The following FBXO40 variants were observed in gnomAD, a reference collection of about 807,000 sequenced individuals.
The protein encoded by FBXO40 is F-box protein 40.
In FBXO40, 50 loss-of-function variants were observed where a neutral mutation model predicts 49.9. That is an observed-to-expected ratio of 1.00 (90% CI 0.80 to 1.27). FBXO40 has a LOEUF of 1.27. Among genes scored for constraint, FBXO40 ranks in the 50% most tolerant of loss-of-function variants. FBXO40 has a pLI of 0.00. For synonymous variants in FBXO40, 340 were observed against 320.2 expected (o/e 1.06, Z -0.66); for missense variants, 895 against 870.1 (o/e 1.03, Z -0.36).
At chr3:121,612,667 C>T (rs1436857611) in intron 1 of FBXO40, among the ~76,000 whole-genome samples, 1 of 152,030 alleles carries the variant, frequency 6.6e-6, no homozygotes, top group African/African-American at 2.4e-5. Flanking sequence ...ACTTAGTTTC[C>T]CTTCTACAAA....
At chr3:121,604,492 C>T in intron 1 of FBXO40, among the ~76,000 whole-genome samples, 1 of 152,056 alleles carries the variant, frequency 6.6e-6, no homozygotes, top group Admixed American at 6.5e-5. Context: ...GCTGGGGTGA[C>T]AAAAGGAACT....
At chr3:121,619,247 A>T (rs2049016432) in intron 1 of FBXO40, among the ~76,000 whole-genome samples, 1 of 151,942 alleles carries the variant, frequency 6.6e-6, no homozygotes, top group African/African-American at 2.4e-5. Context: ...GGGCTCAAGC[A>T]ATCAACCTAC....
intron 3 of FBXO40, among the ~76,000 whole-genome samples, chr3:121,625,979 A>T (rs550860454): frequency 1.3e-5 from 2 of 152,364 alleles, no homozygotes; most frequent in South Asian, 4.1e-4. Context: ...GATATTTCAG[A>T]ACTCATAGAA....
In FBXO40 at chr3:121,620,597, T is replaced by G; in HGVS notation, c.3+19T>G. ...CGCCATGGTAAGCACCAGGAGCTTA[T>G]TGAAGCTTCACCATTGAGAGGTCCA... On this transcript the variant is annotated intron_variant, in intron 2 of 3. Transcript: ENST00000338040. 6.2e-7 allele frequency: 1 copy of G among 1,614,190 alleles called. No individual in the cohort carries two copies. Among genetic ancestry groups the G allele is most frequent in the Non-Finnish European group, 8.5e-7 (1 of 1,180,014 alleles).
intron 1 of FBXO40, among the ~76,000 whole-genome samples, chr3:121,619,731 A>G (rs902812990): frequency 6.6e-6 from 1 of 152,224 alleles, no homozygotes; most frequent in African/African-American, 2.4e-5. Context: ...GGGGAAACTG[A>G]TGAGCGAAGA....
At chr3:121,611,471 G>A (rs1053019021) in intron 1 of FBXO40, among the ~76,000 whole-genome samples, 4 of 152,126 alleles carry the variant, frequency 2.6e-5, no homozygotes, top group East Asian at 1.9e-4. Context: ...ACATCTCAGC[G>A]GAGTAAAGAA....
At chr3:121,604,590 A>G (rs9843772) in intron 1 of FBXO40, among the ~76,000 whole-genome samples, 33,239 of 152,092 alleles carry the variant, frequency 0.22, 3,928 homozygotes, top group South Asian at 0.33. Context: ...TAATTTGTTG[A>G]TGCATATCTG....
At position 121,604,413 on chromosome 3, in the gene FBXO40, C is replaced by T. The variant is rs375085075; in HGVS notation, c.-31+10911C>T. The stretch of plus-strand genomic sequence containing the variant: ...TAAGAATAGGGCCCAGTAAACCCTA[C>T]ATTCCATGCAAAACATGCAGCAACA... On this transcript the variant is annotated intron_variant, in intron 1 of 3. Transcript: ENST00000338040. Among the ~76,000 whole-genome samples, 350 of 152,326 alleles carry T rather than the reference C, an allele frequency of 2.3e-3. 1 individual carries two copies. Among genetic ancestry groups the T allele is most frequent in the South Asian group, 7.5e-3 (36 of 4,828 alleles).
At chr3:121,601,429 G>C (rs1488618966) in intron 1 of FBXO40, among the ~76,000 whole-genome samples, 1 of 151,740 alleles carries the variant, frequency 6.6e-6, no homozygotes, top group Non-Finnish European at 1.5e-5. Flanking sequence ...AAGCGTCTTT[G>C]TTATCTCTTA....
rs748888830 is a variant in FBXO40 at position 121,622,965 on chromosome 3, C to T, written c.1536C>T (p.Pro512=). The change falls in exon 3 of 4, where the codon CCC becomes CCT. Residue 512 remains proline, a synonymous_variant. Coordinates refer to ENST00000338040, the MANE Select transcript of FBXO40 (RefSeq NM_016298.4). ...CLNGWFQHRC[P]LAYLGCTFVQ... is the part of the protein sequence containing the mutation. ...ATGGCTGGTTCCAGCATCGATGCCCCCTCGCCTACTTGGGATGTACATTTG... is the reference window on the plus strand; with the variant it reads ...ATGGCTGGTTCCAGCATCGATGCCCTCTCGCCTACTTGGGATGTACATTTG... The T allele has an allele frequency of 5.0e-6, 8 of 1,614,106 alleles. No homozygotes were observed. The South Asian group carries it at 8.8e-5, about 18-fold the overall frequency.
intron 1 of FBXO40, among the ~76,000 whole-genome samples, chr3:121,604,142 AC>A (rs1484923584): frequency 2.0e-5 from 3 of 152,146 alleles, no homozygotes; most frequent in Admixed American, 6.5e-5. Flanking sequence ...GTCTTCTGCA[AC>A]CTCTTCCTGC....
Position 121,622,411 on chromosome 3 carries a change from A to G in FBXO40, c.982A>G (p.Thr328Ala), listed in dbSNP as rs778790585. 2 of 1,614,110 alleles carry G rather than the reference A, an allele frequency of 1.2e-6. No homozygotes were observed. The highest frequency in any genetic ancestry group is 2.7e-5 in the African/African-American group (2 of 74,948). Residue 328 changes from threonine to alanine, a missense_variant, in exon 3 of 4, where the codon ACA (threonine) becomes GCA (alanine). Transcript: ENST00000338040. The part of the protein sequence containing the change: ...LIHFGQMPAC[T>A]PKERDFVYGK... ...ACACTTTGGTCAGATGCCTGCTTGT[A>G]CACCCAAGGAGAGAGACTTTGTTTA...
chr3:121,626,627 G>C, intron 3 of FBXO40, 68 bp from the exon 4 acceptor site: 4 of 1,383,190 alleles, frequency 2.9e-6, no homozygotes, highest in Non-Finnish European at 4.1e-6. Flanking sequence ...TCCTTATAGT[G>C]CCCAAATAAA....
intron 1 of FBXO40, among the ~76,000 whole-genome samples, chr3:121,597,636 C>T (rs886706302): frequency 6.0e-5 from 9 of 150,608 alleles, no homozygotes; most frequent in African/African-American, 2.2e-4. Flanking sequence ...CCTTGTGCAA[C>T]CCTATTGGTT....
intron 1 of FBXO40, among the ~76,000 whole-genome samples, chr3:121,616,427 G>A (rs1291772724): frequency 1.3e-5 from 2 of 152,302 alleles, no homozygotes; most frequent in Admixed American, 6.5e-5. Context: ...TCTATTCTGT[G>A]TTGTCCTAAA....
At chr3:121,620,130 G>C (rs183005834) in intron 1 of FBXO40, among the ~76,000 whole-genome samples, 209 of 152,354 alleles carry the variant, frequency 1.4e-3, no homozygotes, top group Non-Finnish European at 2.3e-3. Flanking sequence ...AAGTGGACAG[G>C]AAGCCCCAGT....
At chr3:121,607,404 G>T (rs1471679292) in intron 1 of FBXO40, among the ~76,000 whole-genome samples, 2 of 144,062 alleles carry the variant, frequency 1.4e-5, no homozygotes, top group African/African-American at 5.2e-5. Context: ...CCGCCTCCTG[G>T]GTTCATGCCA....
chr3:121,623,848 C>T (rs916325071), intron 3 of FBXO40, among the ~76,000 whole-genome samples: 1 of 151,584 alleles, frequency 6.6e-6, no homozygotes, highest in African/African-American at 2.4e-5. Context: ...ACTGTCACAC[C>T]CAGCTAATTT....
At position 121,627,093 on chromosome 3, in the gene FBXO40, C is replaced by G. The variant is rs2049066165; in HGVS notation, c.*183C>G. 3.3e-6 allele frequency: 2 copies of G among 598,906 alleles called. No homozygotes were observed. The highest frequency in any genetic ancestry group is 5.9e-6 in the Non-Finnish European group (2 of 338,394). 37.1% of individuals were successfully genotyped at this position (598,906 alleles called of 1,614,324 possible). ...GGCCTAAGAATTTCCTAAGCCATGT[C>G]TTGTACCATAGTGCCACATTGATGA... On this transcript the variant is annotated 3_prime_UTR_variant, in exon 4 of 4. Transcript: ENST00000338040.
Sources: gnomAD v4.1 joint callset for allele counts (sites outside exome capture counted in the v4.1 genomes callset) on GRCh38, gnomAD v4.1.1 for gene constraint, MANE v1.5 for transcripts, NCBI Gene and HGNC (gene_info 2026-07-23, HGNC 2026-07-21) for gene names.